Variants in GALNTL6 observed in about 807,000 individuals in gnomAD.
GALNTL6 encodes polypeptide N-acetylgalactosaminyltransferase-like 6.
Under a neutral mutation model 73.7 loss-of-function variants are expected in GALNTL6, and 46 were observed. That is an observed-to-expected ratio of 0.62 (90% CI 0.49 to 0.80). The LOEUF is 0.80. GALNTL6 is among the 30% of genes least tolerant of loss of function. The pLI is 0.00. For synonymous variants in GALNTL6, 259 were observed against 263.7 expected (o/e 0.98, Z 0.17); for missense variants, 604 against 755.0 (o/e 0.80, Z 2.34).
At chr4:172,130,776 GTTCT>G (rs1733467079) in intron 2 of GALNTL6, among the ~76,000 whole-genome samples, 1 of 151,408 alleles carries the variant, frequency 6.6e-6, no homozygotes, top group African/African-American at 2.4e-5. Flanking sequence ...AATGCATTTG[GTTCT>G]TTTTGTCTAA....
At chr4:172,254,237 T>C (rs961586986) in intron 3 of GALNTL6, among the ~76,000 whole-genome samples, 5 of 151,658 alleles carry the variant, frequency 3.3e-5, no homozygotes, top group African/African-American at 7.3e-5. Flanking sequence ...ATTTCAAGAA[T>C]GAGAAGTGCC....
intron 9 of GALNTL6, among the ~76,000 whole-genome samples, chr4:172,943,912 A>C (rs373863053): frequency 6.6e-6 from 1 of 152,226 alleles, no homozygotes; most frequent in African/African-American, 2.4e-5. Flanking sequence ...TCAACAATTG[A>C]TGCTAGAACA....
chr4:173,036,017 T>C (rs1753682576), intron 12 of GALNTL6, among the ~76,000 whole-genome samples: 1 of 152,180 alleles, frequency 6.6e-6, no homozygotes, highest in African/African-American at 2.4e-5. Flanking sequence ...TATTAACTCT[T>C]TTTATCCTCA....
chr4:172,940,235 A>G (rs1247997819), intron 9 of GALNTL6, among the ~76,000 whole-genome samples: 1 of 151,120 alleles, frequency 6.6e-6, no homozygotes, highest in Non-Finnish European at 1.5e-5. Context: ...CCTAGAAGGT[A>G]AAGTTGGCCA....
At chr4:172,180,995 A>G (rs1284324566) in intron 2 of GALNTL6, among the ~76,000 whole-genome samples, 1 of 152,188 alleles carries the variant, frequency 6.6e-6, no homozygotes, top group Non-Finnish European at 1.5e-5. Context: ...AATTCTGTGA[A>G]GAAAGTCAAT....
At chr4:172,730,651 G>A (rs186447763) in intron 5 of GALNTL6, among the ~76,000 whole-genome samples, 85 of 152,228 alleles carry the variant, frequency 5.6e-4, no homozygotes, top group Middle Eastern at 3.4e-3. Context: ...GATTTTTGCA[G>A]TTATGTTCTT....
At chr4:172,616,646 T>C (rs1738747227) in intron 5 of GALNTL6, among the ~76,000 whole-genome samples, 1 of 151,744 alleles carries the variant, frequency 6.6e-6, no homozygotes. Flanking sequence ...CTATTTGTTC[T>C]TGCCAGAACC....
At chr4:172,654,763 AG>A (rs1288271622) in intron 5 of GALNTL6, among the ~76,000 whole-genome samples, 13 of 152,376 alleles carry the variant, frequency 8.5e-5, no homozygotes, top group African/African-American at 3.1e-4. Context: ...GAAGGAAAGT[AG>A]AAAAGAAAAA....
At chr4:172,521,633 A>G (rs1253505806) in intron 5 of GALNTL6, among the ~76,000 whole-genome samples, 32 of 152,180 alleles carry the variant, frequency 2.1e-4, no homozygotes, top group Admixed American at 2.0e-3. Flanking sequence ...TCAGGATAAT[A>G]TCATGTAATT....
intron 5 of GALNTL6, among the ~76,000 whole-genome samples, chr4:172,684,872 C>T (rs956036585): frequency 1.3e-5 from 2 of 152,176 alleles, no homozygotes; most frequent in Non-Finnish European, 2.9e-5. Flanking sequence ...CATTTCTCAA[C>T]CCTACCCATT....
intron 2 of GALNTL6, among the ~76,000 whole-genome samples, chr4:172,154,931 G>A (rs1734210072): frequency 1.3e-5 from 2 of 152,254 alleles, no homozygotes; most frequent in Non-Finnish European, 2.9e-5. Context: ...TAACACCCAT[G>A]GTGATGATAT....
intron 10 of GALNTL6, among the ~76,000 whole-genome samples, chr4:172,978,700 T>C (rs561421797): frequency 6.6e-6 from 1 of 152,358 alleles, no homozygotes; most frequent in South Asian, 2.1e-4. Flanking sequence ...TAAATATTCA[T>C]TGGCTTTCCT....
At chr4:172,425,528 G>A (rs1731196619) in intron 5 of GALNTL6, among the ~76,000 whole-genome samples, 1 of 151,882 alleles carries the variant, frequency 6.6e-6, no homozygotes, top group South Asian at 2.1e-4. Context: ...AAAAAAATTG[G>A]CAAAACCCCT....
intron 5 of GALNTL6, among the ~76,000 whole-genome samples, chr4:172,557,004 A>G (rs191227987): frequency 2.0e-5 from 3 of 152,258 alleles, no homozygotes; most frequent in Admixed American, 2.0e-4. Context: ...TCCAGCATGC[A>G]TTTCCCAAAC....
At chr4:172,578,398 T>A (rs1249213956) in intron 5 of GALNTL6, among the ~76,000 whole-genome samples, 1 of 152,230 alleles carries the variant, frequency 6.6e-6, no homozygotes, top group Non-Finnish European at 1.5e-5. Context: ...AAAGTCAGCT[T>A]ATGACATGGT....
chr4:172,919,962 CTT>C (rs1251937555), intron 8 of GALNTL6, among the ~76,000 whole-genome samples: 2 of 152,166 alleles, frequency 1.3e-5, no homozygotes, highest in Admixed American at 6.5e-5. Flanking sequence ...GAAATGAACA[CTT>C]TCTTAAAAGT....
chr4:172,044,447 A>G (rs908921433), intron 2 of GALNTL6, among the ~76,000 whole-genome samples: 7 of 151,868 alleles, frequency 4.6e-5, no homozygotes, highest in African/African-American at 1.4e-4. Flanking sequence ...AAGAAAACAG[A>G]ATTCTAGCTT....
intron 2 of GALNTL6, among the ~76,000 whole-genome samples, chr4:171,982,908 A>T (rs1188798426): frequency 2.0e-5 from 3 of 152,184 alleles, no homozygotes; most frequent in Non-Finnish European, 4.4e-5. Context: ...CCTGTGTCAT[A>T]GCCTCATTTT....
At chr4:172,890,180 T>C (rs1055524992) in intron 8 of GALNTL6, among the ~76,000 whole-genome samples, 1 of 152,194 alleles carries the variant, frequency 6.6e-6, no homozygotes, top group East Asian at 1.9e-4. Flanking sequence ...TCTATTGATC[T>C]TGTTTATCCT....
Sources: gnomAD v4.1 joint callset for allele counts (sites outside exome capture counted in the v4.1 genomes callset) on GRCh38, gnomAD v4.1.1 for gene constraint, MANE v1.5 for transcripts, NCBI Gene and HGNC (gene_info 2026-07-23, HGNC 2026-07-21) for gene names.